HNMT: variants seen among roughly 807,000 people sequenced by gnomAD.
HNMT encodes histamine N-methyltransferase.
Under a neutral mutation model 32.1 loss-of-function variants are expected in HNMT, and 30 were observed. The observed-to-expected ratio is 0.93, with a 90% confidence interval of 0.70 to 1.27. The LOEUF (loss-of-function observed/expected upper bound fraction) is 1.27, where lower values mean the gene tolerates loss of function less well. Among genes scored for constraint, HNMT ranks in the 50% most tolerant of loss-of-function variants. The pLI, the probability that HNMT is intolerant of heterozygous loss-of-function variation, is 0.00. For synonymous variants in HNMT, 125 were observed against 119.0 expected, an observed-to-expected ratio of 1.05 and a Z score of -0.33; for missense variants, 327 against 346.0, an observed-to-expected ratio of 0.95 and a Z score of 0.43.
At chr2:137,971,587 C>T (rs144943597) in intron 2 of HNMT, among the ~76,000 whole-genome samples, 90 of 152,262 alleles carry the variant, frequency 5.9e-4, no homozygotes, top group Non-Finnish European at 1.2e-3. Flanking sequence ...GGTAACTCAG[C>T]CTCCAGTGAA....
At chr2:137,995,609 C>T (rs906037318) in intron 2 of HNMT, among the ~76,000 whole-genome samples, 1 of 152,198 alleles carries the variant, frequency 6.6e-6, no homozygotes, top group African/African-American at 2.4e-5. Context: ...TGGTACCATT[C>T]CTTCAGATAC....
chr2:137,978,489 G>A (rs990114856), intron 2 of HNMT, among the ~76,000 whole-genome samples: 26 of 135,600 alleles, frequency 1.9e-4, no homozygotes, highest in Non-Finnish European at 4.6e-5. Flanking sequence ...AGATAATATA[G>A]TATTATACAA....
chr2:137,979,677 C>T (rs1468267000), intron 2 of HNMT, among the ~76,000 whole-genome samples: 2 of 151,936 alleles, frequency 1.3e-5, no homozygotes, highest in Non-Finnish European at 2.9e-5. Flanking sequence ...TTGATATATT[C>T]ATAGTTTAAC....
At chr2:137,998,788 G>A (rs1255775420) in intron 2 of HNMT, among the ~76,000 whole-genome samples, 1 of 152,036 alleles carries the variant, frequency 6.6e-6, no homozygotes, top group Non-Finnish European at 1.5e-5. Context: ...AGCCCTGAGG[G>A]GATATAATTG....
At chr2:137,973,344 A>C (rs1486078724) in intron 2 of HNMT, among the ~76,000 whole-genome samples, 1 of 152,132 alleles carries the variant, frequency 6.6e-6, no homozygotes, top group African/African-American at 2.4e-5. Context: ...CAGGCAGAAC[A>C]ATGCATTACT....
chr2:137,998,318 A>C (rs1165197263), intron 2 of HNMT, among the ~76,000 whole-genome samples: 1 of 152,096 alleles, frequency 6.6e-6, no homozygotes, highest in Non-Finnish European at 1.5e-5. Context: ...AATTTATGAA[A>C]TGTTCTTTTT....
chr2:137,970,938 AAAGAAAGAAAGAAAG>A lies in HNMT; in HGVS notation c.190+724_190+738del, dbSNP rs1680113464. The stretch of plus-strand genomic sequence containing the variant: ...ACGTCTCAAAAAAAAAAAAAAAAAG[AAAGAAAGAAAGAAAG>A]AAAGAAAGAAAGAAAGAAAAAAGAA... On this transcript the variant is annotated intron_variant, in intron 2 of 5. Coordinates refer to ENST00000280097, the MANE Select transcript of HNMT (RefSeq NM_006895.3). Among the ~76,000 whole-genome samples the A allele has an allele frequency of 1.6e-3, 16 of 10,204 alleles. 1 individual carries two copies. The highest frequency in any genetic ancestry group is 3.6e-3 in the Admixed American group (2 of 558). The allele number at this position is 10,204 out of a possible 152,430, so 6.7% of individuals were successfully genotyped here.
At chr2:137,970,739 T>C (rs1680097727) in intron 2 of HNMT, among the ~76,000 whole-genome samples, 2 of 151,586 alleles carry the variant, frequency 1.3e-5, no homozygotes, top group Admixed American at 1.3e-4. Flanking sequence ...GCTAACGCGG[T>C]GAAACCCTGT....
intron 2 of HNMT, among the ~76,000 whole-genome samples, chr2:137,973,552 A>G (rs527337730): frequency 6.6e-6 from 1 of 152,144 alleles, no homozygotes; most frequent in South Asian, 2.1e-4. Flanking sequence ...AATGTATCTC[A>G]TAGGGTCCCA....
At chr2:137,973,024 A>T (rs73961903) in intron 2 of HNMT, among the ~76,000 whole-genome samples, 2,852 of 152,262 alleles carry the variant, frequency 0.019, 97 homozygotes, top group African/African-American at 0.065. Context: ...AGCCCTAATA[A>T]TGTATTAATA....
chr2:138,006,970 A>G (rs1681347766), intron 5 of HNMT, among the ~76,000 whole-genome samples: 1 of 152,086 alleles, frequency 6.6e-6, no homozygotes, highest in African/African-American at 2.4e-5. Context: ...GTATTTGATG[A>G]TGGAAATGTT....
chr2:138,001,198 A>C (rs1445180024), intron 3 of HNMT, among the ~76,000 whole-genome samples, 173 bp downstream of exon 3: 1 of 152,208 alleles, frequency 6.6e-6, no homozygotes, highest in Non-Finnish European at 1.5e-5. Flanking sequence ...AAATGTGAAC[A>C]GTGAATAATA....
At chr2:137,965,078 A>G (rs1176976027) in intron 1 of HNMT, among the ~76,000 whole-genome samples, 1 of 152,196 alleles carries the variant, frequency 6.6e-6, no homozygotes, top group Non-Finnish European at 1.5e-5. Flanking sequence ...AGTTCTCATA[A>G]TATCCATTTA....
intron 2 of HNMT, among the ~76,000 whole-genome samples, chr2:137,995,424 G>A (rs1360047878): frequency 6.6e-6 from 1 of 152,088 alleles, no homozygotes; most frequent in African/African-American, 2.4e-5. Context: ...AGAAGAAATG[G>A]TTAAATTCCT....
At chr2:137,998,728 AC>A (rs1269616597) in intron 2 of HNMT, among the ~76,000 whole-genome samples, 1 of 152,194 alleles carries the variant, frequency 6.6e-6, no homozygotes, top group Non-Finnish European at 1.5e-5. Flanking sequence ...TATTTTGCCA[AC>A]CAGGCCAACC....
intron 5 of HNMT, among the ~76,000 whole-genome samples, chr2:138,005,983 G>T (rs3115763): frequency 6.6e-6 from 1 of 151,948 alleles, no homozygotes; most frequent in Non-Finnish European, 1.5e-5. Flanking sequence ...CTTTAACACC[G>T]TATGTCACAA....
chr2:137,977,475 G>GA (rs1680321714), intron 2 of HNMT, among the ~76,000 whole-genome samples: 1 of 152,066 alleles, frequency 6.6e-6, no homozygotes, highest in Non-Finnish European at 1.5e-5. Context: ...GATTGGGGGG[G>GA]TTGCAGGGAT....
chr2:137,970,682 A>T (rs1406714793), intron 2 of HNMT, among the ~76,000 whole-genome samples: 1 of 152,090 alleles, frequency 6.6e-6, no homozygotes. Context: ...GCACTTTGGG[A>T]GGCTGAGGGG....
chr2:137,980,992 G>C (rs1412314722), intron 2 of HNMT, among the ~76,000 whole-genome samples: 1 of 151,990 alleles, frequency 6.6e-6, no homozygotes, highest in Non-Finnish European at 1.5e-5. Context: ...TCCAAGCACG[G>C]AGTTATATGA....
Sources: gnomAD v4.1 joint callset for allele counts (sites outside exome capture counted in the v4.1 genomes callset) on GRCh38, gnomAD v4.1.1 for gene constraint, MANE v1.5 for transcripts, NCBI Gene and HGNC (gene_info 2026-07-23, HGNC 2026-07-21) for gene names.